The following PIP5K1B variants were observed in gnomAD, a reference collection of about 807,000 sequenced individuals.
PIP5K1B encodes the protein phosphatidylinositol-4-phosphate 5-kinase type 1 beta, also known as phosphatidylinositol 4-phosphate 5-kinase type-1 beta.
PIP5K1B carries 42 observed loss-of-function variants against 67.0 expected under a neutral mutation model. That is an observed-to-expected ratio of 0.63 (90% CI 0.49 to 0.81). The LOEUF (loss-of-function observed/expected upper bound fraction) is 0.81. Among genes scored for constraint, PIP5K1B ranks in the 30% least tolerant of loss-of-function variants. The pLI is 0.00. For synonymous variants in PIP5K1B, 214 were observed against 231.4 expected (o/e 0.92, Z 0.68); for missense variants, 459 against 646.3 (o/e 0.71, Z 3.14).
intron 4 of PIP5K1B, among the ~76,000 whole-genome samples, chr9:68,848,022 A>G (rs1361157485): frequency 1.3e-5 from 2 of 152,168 alleles, no homozygotes; most frequent in African/African-American, 2.4e-5. Flanking sequence ...TAACAGATCT[A>G]GGTTCAAGGG....
rs188935191 is a variant in PIP5K1B, at chr9:68,988,305, C to A, written c.1503-2835C>A. Among the ~76,000 whole-genome samples, 262 of 151,014 alleles carry A rather than the reference C, an allele frequency of 1.7e-3. 1 individual carries two copies. The highest frequency in any genetic ancestry group is 5.5e-3 in the African/African-American group (229 of 41,270). On this transcript the variant is annotated intron_variant, in intron 14 of 15. Coordinates refer to ENST00000265382, the MANE Select transcript of PIP5K1B (RefSeq NM_003558.4). ...AAAAGAAAGACACTTCCGGAATATT[C>A]TTTTATATATAAGAGCTTCCAGAAT...
intron 4 of PIP5K1B, among the ~76,000 whole-genome samples, chr9:68,852,745 G>A (rs1822555940): frequency 1.3e-5 from 2 of 152,156 alleles, no homozygotes; most frequent in Admixed American, 6.5e-5. Context: ...GCTGGACTGG[G>A]GGGATTTTAC....
At chr9:69,007,729 CAG>C (rs1403875071) in intron 15 of PIP5K1B, among the ~76,000 whole-genome samples, 7 of 151,984 alleles carry the variant, frequency 4.6e-5, no homozygotes, top group Non-Finnish European at 1.0e-4. Context: ...TGATGGCAGG[CAG>C]CTGTAGTCCC....
chr9:68,989,089 C>T (rs1036314736), intron 14 of PIP5K1B, among the ~76,000 whole-genome samples: 7 of 78,202 alleles, frequency 9.0e-5, no homozygotes, highest in Non-Finnish European at 1.3e-4. Context: ...AGCAAGACTC[C>T]GTCTCAAAAA....
intron 2 of PIP5K1B, chr9:68,788,514 G>C (rs903851421): frequency 3.6e-5 from 12 of 329,708 alleles, no homozygotes; most frequent in Non-Finnish European, 6.6e-5. Context: ...TTAGTAATAG[G>C]TAAAAAATTA....
chr9:68,796,782 A>G (rs1353126930), intron 2 of PIP5K1B, among the ~76,000 whole-genome samples: 1 of 152,196 alleles, frequency 6.6e-6, no homozygotes, highest in East Asian at 1.9e-4. Flanking sequence ...TTAGATATCT[A>G]TCCCACAGAT....
chr9:68,933,687 A>G (rs1223289993), intron 12 of PIP5K1B, among the ~76,000 whole-genome samples: 1 of 152,216 alleles, frequency 6.6e-6, no homozygotes, highest in Non-Finnish European at 1.5e-5. Context: ...GGTTTGAGAT[A>G]TGCAATGTGA....
intron 4 of PIP5K1B, among the ~76,000 whole-genome samples, chr9:68,829,878 T>A (rs1440164773): frequency 6.6e-6 from 1 of 152,156 alleles, no homozygotes; most frequent in African/African-American, 2.4e-5. Flanking sequence ...AAGAATGCAG[T>A]CCCTGAGCCT....
At chr9:68,745,599 C>T (rs1829255903) in intron 2 of PIP5K1B, among the ~76,000 whole-genome samples, 1 of 152,228 alleles carries the variant, frequency 6.6e-6, no homozygotes, top group African/African-American at 2.4e-5. Context: ...GTCCACTTCA[C>T]TCCAGCCTCT....
intron 1 of PIP5K1B, among the ~76,000 whole-genome samples, chr9:68,737,814 T>C (rs1416619876): frequency 6.6e-6 from 1 of 152,248 alleles, no homozygotes; most frequent in Admixed American, 6.5e-5. Context: ...AGAGATTGCA[T>C]TGATCCTTAG....
intron 14 of PIP5K1B, among the ~76,000 whole-genome samples, chr9:68,961,690 C>T (rs767733085): frequency 3.3e-5 from 5 of 152,244 alleles, no homozygotes; most frequent in South Asian, 2.1e-4. Flanking sequence ...TGATGGAAGC[C>T]GAGTTGGGGA....
chr9:68,722,085 G>C (rs1324942429), intron 1 of PIP5K1B, among the ~76,000 whole-genome samples: 1 of 152,122 alleles, frequency 6.6e-6, no homozygotes, highest in Non-Finnish European at 1.5e-5. Context: ...ACTTTCCCTA[G>C]AGGCTTCTGT....
In PIP5K1B at chr9:68,748,777, C is replaced by T. The variant is rs540588663; in HGVS notation, c.-86+6120C>T. On this transcript the variant is annotated intron_variant, in intron 2 of 15. Coordinates refer to ENST00000265382, the MANE Select transcript of PIP5K1B (RefSeq NM_003558.4). ...GTGGGATTACAGGCATGTGCCACCACGCCCTGCTATTTTTAGTAGAGACGG... is the reference window on the plus strand; with the variant it reads ...GTGGGATTACAGGCATGTGCCACCATGCCCTGCTATTTTTAGTAGAGACGG... Among the ~76,000 whole-genome samples the T allele has an allele frequency of 1.6e-4, 25 of 152,112 alleles. No homozygotes were observed. The East Asian group carries it at 2.9e-3, about 18-fold the overall frequency.
At chr9:68,943,566 A>G (rs1172776187) in intron 14 of PIP5K1B, among the ~76,000 whole-genome samples, 4 of 152,118 alleles carry the variant, frequency 2.6e-5, no homozygotes, top group Non-Finnish European at 2.9e-5. Context: ...ACCTAGTCCT[A>G]TGTGGCAATA....
At chr9:68,957,848 C>G (rs1828481408) in intron 14 of PIP5K1B, among the ~76,000 whole-genome samples, 1 of 151,614 alleles carries the variant, frequency 6.6e-6, no homozygotes, top group Non-Finnish European at 1.5e-5. Context: ...GAGTGACCTT[C>G]CTAGGTTTAT....
At chr9:68,981,961 G>A (rs983841826) in intron 14 of PIP5K1B, among the ~76,000 whole-genome samples, 1 of 152,194 alleles carries the variant, frequency 6.6e-6, no homozygotes, top group African/African-American at 2.4e-5. Context: ...AGCCCGGGAA[G>A]AGTACTGGCA....
At chr9:68,847,732 G>A (rs1371422335) in intron 4 of PIP5K1B, among the ~76,000 whole-genome samples, 1 of 152,128 alleles carries the variant, frequency 6.6e-6, no homozygotes, top group Non-Finnish European at 1.5e-5. Context: ...ACTCTGTAGA[G>A]CAGAGGTTTG....
chr9:68,869,333 T>G (rs1286551620), intron 5 of PIP5K1B, among the ~76,000 whole-genome samples: 1 of 152,172 alleles, frequency 6.6e-6, no homozygotes, highest in East Asian at 1.9e-4. Context: ...CTAGGTTGTT[T>G]GCTCCTTATG....
At chr9:68,990,845 G>A (rs1378892579) in intron 14 of PIP5K1B, among the ~76,000 whole-genome samples, 1 of 151,774 alleles carries the variant, frequency 6.6e-6, no homozygotes, top group Non-Finnish European at 1.5e-5. Context: ...TGTATTTTTA[G>A]TAGAGACGGG....
Sources: allele counts gnomAD v4.1 joint callset (sites outside exome capture counted in the v4.1 genomes callset), GRCh38; gene constraint gnomAD v4.1.1; transcripts MANE v1.5; gene names NCBI Gene and HGNC (gene_info 2026-07-23, HGNC 2026-07-21).